ARK2N: variants seen among roughly 807,000 people sequenced by gnomAD.
ARK2N encodes the protein protein ARK2N.
chr18:46,226,742 A>G, the ARK2N span, among the ~76,000 whole-genome samples: 1 of 152,086 alleles, frequency 6.6e-6, no homozygotes, highest in Non-Finnish European at 1.5e-5. Flanking sequence ...ACAGTCTTCA[A>G]TAGGAATTTG....
the ARK2N span, among the ~76,000 whole-genome samples, chr18:46,224,251 A>G: frequency 6.6e-6 from 1 of 152,158 alleles, no homozygotes; most frequent in Non-Finnish European, 1.5e-5. Context: ...CCCAAACTTA[A>G]CTACATTTTT....
the ARK2N span, among the ~76,000 whole-genome samples, chr18:46,258,556 T>C: frequency 2.6e-5 from 4 of 152,294 alleles, no homozygotes; most frequent in African/African-American, 9.6e-5. Context: ...AATTATTTTT[T>C]CCTAACATTT....
the ARK2N span, chr18:46,215,903 G>C: frequency 9.9e-6 from 16 of 1,612,176 alleles, no homozygotes; most frequent in Non-Finnish European, 1.4e-5. Flanking sequence ...GAGGCAGTGG[G>C]AAAAGTTGAA....
At chr18:46,189,212 CAA>C in the ARK2N span, among the ~76,000 whole-genome samples, 1,072 of 86,746 alleles carry the variant, frequency 0.012, 9 homozygotes, top group African/African-American at 0.049. Context: ...GAGACTGTCT[CAA>C]AAAAAAAAAA....
the ARK2N span, among the ~76,000 whole-genome samples, chr18:46,241,616 G>A: frequency 1.3e-5 from 2 of 151,700 alleles, no homozygotes; most frequent in African/African-American, 2.4e-5. Context: ...GGTGGTGGGC[G>A]CCTGTAATCT....
the ARK2N span, chr18:46,216,255 A>G: frequency 6.2e-7 from 1 of 1,613,946 alleles, no homozygotes. The surrounding 1 kb of genome is among the most constrained non-coding windows in gnomAD (Gnocchi z 4.3). Flanking sequence ...CGGCGGTAGA[A>G]GGAGACCCTT....
At chr18:46,198,543 C>T in the ARK2N span, among the ~76,000 whole-genome samples, 1 of 152,058 alleles carries the variant, frequency 6.6e-6, no homozygotes, top group African/African-American at 2.4e-5. Context: ...TTAAAATACG[C>T]AAATGTAGGT....
chr18:46,251,294 A>G, the ARK2N span, among the ~76,000 whole-genome samples: 2 of 152,334 alleles, frequency 1.3e-5, no homozygotes, highest in Admixed American at 1.3e-4. Context: ...GCCACAAGCA[A>G]GGTATTGGGG....
the ARK2N span, among the ~76,000 whole-genome samples, chr18:46,250,109 T>C: frequency 6.6e-6 from 1 of 152,150 alleles, no homozygotes; most frequent in Non-Finnish European, 1.5e-5. Flanking sequence ...TGCTGAGGAT[T>C]TAACAAGTCT....
chr18:46,190,057 C>G, the ARK2N span, among the ~76,000 whole-genome samples: 1 of 152,028 alleles, frequency 6.6e-6, no homozygotes, highest in Non-Finnish European at 1.5e-5. Flanking sequence ...TATATTTTGG[C>G]CACTGACCTA....
the ARK2N span, chr18:46,173,928 G>C: frequency 6.6e-6 from 1 of 152,286 alleles, no homozygotes; most frequent in Non-Finnish European, 1.5e-5. Context: ...CATCGCGCCA[G>C]ATGGCGCTGT....
chr18:46,255,664 T>G, the ARK2N span, among the ~76,000 whole-genome samples: 6 of 151,922 alleles, frequency 3.9e-5, no homozygotes, highest in African/African-American at 1.5e-4. Flanking sequence ...TTGGTCAGGC[T>G]GGTCTTGAAC....
the ARK2N span, among the ~76,000 whole-genome samples, chr18:46,203,589 C>G: frequency 3.3e-5 from 5 of 152,024 alleles, no homozygotes; most frequent in African/African-American, 1.2e-4. Flanking sequence ...GGTAATACTA[C>G]AATCAAATTT....
At chr18:46,200,307 TGTTC>T in the ARK2N span, among the ~76,000 whole-genome samples, 2,646 of 152,162 alleles carry the variant, frequency 0.017, 68 homozygotes, top group African/African-American at 0.06. Context: ...TTTTTTTGTT[TGTTC>T]GTTTGTTTTT....
At chr18:46,242,345 A>G in the ARK2N span, among the ~76,000 whole-genome samples, 1 of 152,236 alleles carries the variant, frequency 6.6e-6, no homozygotes, top group South Asian at 2.1e-4. Context: ...TTTTTGACCT[A>G]CAAAAAATCA....
At chr18:46,198,382 G>A in the ARK2N span, among the ~76,000 whole-genome samples, 1 of 149,508 alleles carries the variant, frequency 6.7e-6, no homozygotes, top group African/African-American at 2.5e-5. Context: ...ACATTGTAAT[G>A]CAGTTTTGAA....
At chr18:46,217,276 C>G in the ARK2N span, 1 of 152,244 alleles carries the variant, frequency 6.6e-6, no homozygotes, top group South Asian at 2.1e-4. Flanking sequence ...TTTGGTAAAT[C>G]TGCTTTCCCC....
At chr18:46,252,845 C>T in the ARK2N span, among the ~76,000 whole-genome samples, 1 of 152,144 alleles carries the variant, frequency 6.6e-6, no homozygotes, top group African/African-American at 2.4e-5. Flanking sequence ...ACTTTGATGC[C>T]ATGCCATTAG....
the ARK2N span, among the ~76,000 whole-genome samples, chr18:46,230,575 A>G: frequency 1.8e-4 from 27 of 152,306 alleles, no homozygotes; most frequent in African/African-American, 6.0e-4. Context: ...TTTTTTATTT[A>G]AGAATAAAAT....
Sources: gnomAD v4.1 joint callset for allele counts (sites outside exome capture counted in the v4.1 genomes callset) on GRCh38, gnomAD v4.1.1 for gene constraint, Gnocchi (gnomAD v3.1) non-coding constraint, MANE v1.5 for transcripts, NCBI Gene and HGNC (gene_info 2026-07-23, HGNC 2026-07-21) for gene names.